Variants in RLF observed in about 807,000 individuals in gnomAD.
RLF encodes the protein zinc finger protein Rlf.
RLF carries 7 observed loss-of-function variants against 162.9 expected under a neutral mutation model. The ratio of observed to expected loss-of-function variants is 0.04; its 90% CI spans 0.02 to 0.08. The LOEUF (loss-of-function observed/expected upper bound fraction) is 0.08, where lower values mean the gene tolerates loss of function less well. Among genes scored for constraint, RLF ranks in the 10% least tolerant of loss-of-function variants. The pLI, the probability that RLF is intolerant of heterozygous loss-of-function variation, is 1.00. For synonymous variants in RLF, 782 were observed against 791.5 expected (o/e 0.99, Z 0.20); for missense variants, 1,664 against 2,244.7 (o/e 0.74, Z 5.23).
At chr1:40,186,989 G>T (rs1026685955) in intron 1 of RLF, among the ~76,000 whole-genome samples, 1 of 151,832 alleles carries the variant, frequency 6.6e-6, no homozygotes, top group Non-Finnish European at 1.5e-5. Flanking sequence ...ACCTAAACCA[G>T]AATTTTTTTG....
Position 40,189,147 on chromosome 1 carries a change from T to C in RLF, c.330T>C (p.Ser110=), listed in dbSNP as rs1416986299. Residue 110 remains serine (S), a synonymous_variant, in exon 2 of 8, where the codon AGT becomes AGC. Coordinates refer to ENST00000372771, the MANE Select transcript of RLF (RefSeq NM_012421.4). ...GACTTGCCATCCAAAGCTTTGCCAG[T>C]GCACGTCCATACTTAACTACTGAAT... is the stretch of plus-strand genomic sequence containing the variant. ...VYRLAIQSFA[S]ARPYLTTECE... The C allele has an allele frequency of 6.2e-7, 1 of 1,613,842 alleles. No individual in the cohort carries two copies. The highest frequency in any genetic ancestry group is 1.3e-5 in the African/African-American group (1 of 74,940).
At chr1:40,217,607 A>G (rs1304321816) in intron 5 of RLF, among the ~76,000 whole-genome samples, 2 of 152,034 alleles carry the variant, frequency 1.3e-5, no homozygotes, top group Non-Finnish European at 2.9e-5. Flanking sequence ...CCCCATCTCT[A>G]CTAAAATACA....
rs370885978 is a variant in RLF, at chr1:40,203,646, T to G, written c.810+1032T>G. 8.5e-5 allele frequency among the ~76,000 whole-genome samples: 13 copies of G among 152,268 alleles called. 1 individual carries two copies. Among genetic ancestry groups the G allele is most frequent in the East Asian group, 3.9e-4 (2 of 5,174 alleles). On this transcript the variant is annotated intron_variant, in intron 5 of 7. Coordinates refer to ENST00000372771, the MANE Select transcript of RLF (RefSeq NM_012421.4). ...TTGGAGTTAGACTTCTCTAATGGTTTTTGACATTATACAGAAAAAAACTAG... is the reference window on the plus strand; with the variant it reads ...TTGGAGTTAGACTTCTCTAATGGTTGTTGACATTATACAGAAAAAAACTAG...
rs770127352 is a variant in RLF, at chr1:40,240,384, C to T, written c.5682C>T (p.Ser1894=). 3 of 1,614,072 alleles carry T rather than the reference C, an allele frequency of 1.9e-6. No homozygotes were observed. The highest frequency in any genetic ancestry group is 1.1e-5 in the South Asian group (1 of 91,066). The change falls in exon 8 of 8, where the codon TCC becomes TCT. Residue 1894 remains serine, a synonymous_variant. Coordinates refer to ENST00000372771, the MANE Select transcript of RLF (RefSeq NM_012421.4). ...PVVVLERSKF[S]TPILDLFPTK... is the part of the protein sequence containing the mutation. ...TGGTTCTTGAAAGATCTAAGTTTTC[C>T]ACACCAATTTTAGACTTATTTCCAA...
rs544805414 is a variant in RLF at position 40,193,583 on chromosome 1, G to A, written c.475-2049G>A. ...TTTTTCTCCTCACTCCAAAGTAAAC[G>A]CGAGTCATTCTAAGTTAAGAAGAAA... On this transcript the variant is annotated intron_variant, in intron 3 of 7. Coordinates refer to ENST00000372771, the MANE Select transcript of RLF (RefSeq NM_012421.4). Among the ~76,000 whole-genome samples, 4 of 152,170 alleles carry A rather than the reference G, an allele frequency of 2.6e-5. No individual in the cohort carries two copies. In the South Asian group the frequency reaches 6.2e-4, roughly 24 times the overall value.
chr1:40,195,680 T>C lies in RLF; in HGVS notation c.523T>C (p.Leu175=), dbSNP rs1372160209. 1.9e-6 allele frequency: 3 copies of C among 1,613,286 alleles called. No homozygotes were observed. Among genetic ancestry groups the C allele is most frequent in the South Asian group, 1.1e-5 (1 of 91,056 alleles). Residue 175 remains leucine (L), a synonymous_variant, in exon 4 of 8, where the codon TTG becomes CTG. Coordinates refer to ENST00000372771, the MANE Select transcript of RLF (RefSeq NM_012421.4). ...ATTTGGGAATAATAACCTACAAATATTGGTTCATGTTACCAAGGAAGGGGT... is the reference window on the plus strand; with the variant it reads ...ATTTGGGAATAATAACCTACAAATACTGGTTCATGTTACCAAGGAAGGGGT... The part of the protein sequence containing the change: ...LEFGNNNLQI[L]VHVTKEGVWK...
At chr1:40,222,462 G>A in intron 5 of RLF, 112 bp from the exon 6 acceptor site, 1 of 889,196 alleles carries the variant, frequency 1.1e-6, no homozygotes, top group South Asian at 1.7e-5. Context: ...TTCATTAGCA[G>A]GAGAAAATTA....
chr1:40,203,487 G>A (rs1319036197), intron 5 of RLF, among the ~76,000 whole-genome samples: 37 of 151,782 alleles, frequency 2.4e-4, no homozygotes, highest in Non-Finnish European at 1.5e-5. Flanking sequence ...AGGTTGCAGT[G>A]CATCGAGATC....
chr1:40,202,769 G>A (rs1034330144), intron 5 of RLF, among the ~76,000 whole-genome samples, 155 bp downstream of exon 5: 3 of 151,994 alleles, frequency 2.0e-5, no homozygotes, highest in East Asian at 1.9e-4. Flanking sequence ...TTAACTGCTC[G>A]ACAGATAGAA....
intron 6 of RLF, among the ~76,000 whole-genome samples, chr1:40,223,201 T>C (rs914805900): frequency 3.3e-5 from 5 of 152,206 alleles, no homozygotes; most frequent in Non-Finnish European, 7.3e-5. Flanking sequence ...TAATTCAATT[T>C]ATATCTTGTT....
At chr1:40,230,571 T>C (rs1643140265) in intron 6 of RLF, among the ~76,000 whole-genome samples, 1 of 152,138 alleles carries the variant, frequency 6.6e-6, no homozygotes, top group Admixed American at 6.6e-5. Flanking sequence ...TAGCTGGGAT[T>C]ACAGGCATCC....
intron 1 of RLF, among the ~76,000 whole-genome samples, chr1:40,164,591 ATT>A (rs1294032714): frequency 1.3e-5 from 2 of 152,210 alleles, no homozygotes; most frequent in Non-Finnish European, 2.9e-5. Flanking sequence ...TGTGGATAAG[ATT>A]AACTTTAGAA....
At chr1:40,175,228 C>A (rs1201287659) in intron 1 of RLF, among the ~76,000 whole-genome samples, 4 of 151,630 alleles carry the variant, frequency 2.6e-5, no homozygotes, top group Admixed American at 2.0e-4. Context: ...TAAATCTAGA[C>A]CAGACGTTCC....
intron 1 of RLF, among the ~76,000 whole-genome samples, chr1:40,187,246 G>A (rs1244515438): frequency 6.6e-6 from 1 of 152,090 alleles, no homozygotes; most frequent in Non-Finnish European, 1.5e-5. Flanking sequence ...TGGCCAGGAT[G>A]GTCTCGATCT....
chr1:40,169,063 C>T (rs1336413912), intron 1 of RLF, among the ~76,000 whole-genome samples: 1 of 152,032 alleles, frequency 6.6e-6, no homozygotes, highest in East Asian at 1.9e-4. Flanking sequence ...GTCACAAGGC[C>T]AACATACAAT....
At position 40,239,162 on chromosome 1, in the gene RLF, T is replaced by A. The variant is rs1302389585; in HGVS notation, c.4460T>A (p.Leu1487Gln). 9.3e-6 allele frequency: 15 copies of A among 1,614,112 alleles called. No individual in the cohort carries two copies. Among genetic ancestry groups the A allele is most frequent in the Non-Finnish European group, 1.3e-5 (15 of 1,180,022 alleles). The change falls in exon 8 of 8, where the codon CTA becomes CAA. Residue 1487 changes from leucine to glutamine, a missense_variant. Coordinates refer to ENST00000372771, the MANE Select transcript of RLF (RefSeq NM_012421.4). ...FRSQKVANER[L>Q]LRSEKVCQTA... ...AGCCAGAAAGTAGCAAATGAGAGAC[T>A]ACTAAGGAGTGAAAAGGTATGTCAA...
intron 1 of RLF, among the ~76,000 whole-genome samples, chr1:40,170,956 G>A (rs893477615): frequency 1.3e-5 from 2 of 152,122 alleles, no homozygotes; most frequent in Non-Finnish European, 2.9e-5. Flanking sequence ...ATTATTAGTA[G>A]TAGTAGTATT....
intron 1 of RLF, among the ~76,000 whole-genome samples, chr1:40,163,687 A>T (rs1385287089): frequency 6.6e-6 from 1 of 152,190 alleles, no homozygotes; most frequent in African/African-American, 2.4e-5. Context: ...CTGTATTGTA[A>T]TAGAAAGCAC....
rs111773742 is a variant in RLF at position 40,162,184 on chromosome 1, C to CT, written c.237+561dup. On this transcript the variant is annotated intron_variant, in intron 1 of 7. Transcript: ENST00000372771. The stretch of plus-strand genomic sequence containing the variant: ...GAGCCGGTTGGTTGTTTGGTTTTTG[C>CT]TTTTTTTTTTTTTACGTTTAAGCCG... Among the ~76,000 whole-genome samples, 828 of 139,584 alleles carry CT rather than the reference C, an allele frequency of 5.9e-3. 6 individuals are homozygous for CT. Among genetic ancestry groups the CT allele is most frequent in the South Asian group, 0.045 (195 of 4,350 alleles). The allele number at this position is 139,584 out of a possible 152,430, so 91.6% of individuals were successfully genotyped here.
Sources: gnomAD v4.1 joint callset for allele counts (sites outside exome capture counted in the v4.1 genomes callset) on GRCh38, gnomAD v4.1.1 for gene constraint, MANE v1.5 for transcripts, NCBI Gene and HGNC (gene_info 2026-07-23, HGNC 2026-07-21) for gene names.